The following LSR variants were observed in gnomAD, a reference collection of about 807,000 sequenced individuals.
LSR encodes lipolysis stimulated lipoprotein receptor, also known as lipolysis-stimulated lipoprotein receptor.
LSR carries 44 observed loss-of-function variants against 61.8 expected under a neutral mutation model. The ratio of observed to expected loss-of-function variants is 0.71; its 90% CI spans 0.56 to 0.91. The LOEUF is 0.91. LSR is among the 40% of genes least tolerant of loss of function. The pLI, the probability that LSR is intolerant of heterozygous loss-of-function variation, is 0.00. For missense variants in LSR, 911 were observed against 830.5 expected, an observed-to-expected ratio of 1.10 and a Z score of -1.19; for synonymous variants, 397 against 350.6, an observed-to-expected ratio of 1.13 and a Z score of -1.48.
At chr19:35,255,567 C>A (rs1021352435) in intron 2 of LSR, among the ~76,000 whole-genome samples, 2 of 151,938 alleles carry the variant, frequency 1.3e-5, no homozygotes, top group Non-Finnish European at 2.9e-5. Context: ...ACCTGGACAA[C>A]AAAGCAAGAT....
In LSR at chr19:35,266,693, T is replaced by G. The variant is rs193300340; in HGVS notation, c.967T>G (p.Ser323Ala). The change falls in exon 7 of 10, where the codon TCC becomes GCC. Residue 323 changes from serine (S) to alanine (A), a missense_variant. By Grantham distance (99) the Ser-to-Ala change is moderately conservative (BLOSUM62 1). Transcript: ENST00000605618. ...DRSSSAGGQG[S>A]YVPLLRDTDS... ...CTCTCCCCCAGCTGGTGGCCAAGGC[T>G]CCTATGTACCCCTGCTTCGGGACAC... The G allele has an allele frequency of 3.1e-4, 493 of 1,609,150 alleles. 1 individual carries two copies. Among genetic ancestry groups the G allele is most frequent in the Non-Finnish European group, 3.9e-4 (455 of 1,178,132 alleles).
Position 35,267,331 on chromosome 19 carries a change from G to A in LSR, c.1367G>A (p.Ser456Asn). 7.0e-6 allele frequency: 11 copies of A among 1,566,936 alleles called. No homozygotes were observed. Among genetic ancestry groups the A allele is most frequent in the East Asian group, 2.4e-5 (1 of 42,396 alleles). Reference protein sequence around the residue: ...VDALDDLTPPSTAESGSRSPT... With the variant: ...VDALDDLTPPNTAESGSRSPT... ...GCCCTGGACGACCTCACCCCGCCGA[G>A]CACCGCCGAGTCAGGGAGCAGGTCT... The change falls in exon 9 of 10, where the codon AGC becomes AAC. Residue 456 changes from serine (S) to asparagine (N), a missense_variant. By Grantham distance (46) the Ser-to-Asn change is conservative. Transcript: ENST00000605618.
At chr19:35,266,236 C>A (rs2145545504) in intron 5 of LSR, 123 bp from the exon 6 acceptor site, 1 of 705,414 alleles carries the variant, frequency 1.4e-6, no homozygotes, top group Non-Finnish European at 2.3e-6. Flanking sequence ...TCCAAGGAAG[C>A]TCTACAGCGG....
chr19:35,249,079 A>G lies in LSR; in HGVS notation c.57A>G (p.Ala19=). Residue 19 remains alanine (A), a synonymous_variant, in exon 1 of 10, where the codon GCA becomes GCG. Coordinates refer to ENST00000605618, the MANE Select transcript of LSR (RefSeq NM_205834.4). ...GGCTGGGCTCCCACCCGGCCGCCGC[A>G]GGCCGGGACGCGGTCGTCTTCGTGT... ...SRGLGSHPAA[A]GRDAVVFVWL... The G allele has an allele frequency of 5.8e-6, 9 of 1,561,122 alleles. No homozygotes were observed. Among genetic ancestry groups the G allele is most frequent in the Admixed American group, 2.0e-5 (1 of 51,018 alleles).
At chr19:35,249,183 G>C (rs1599586305) in intron 1 of LSR, 52 bp downstream of exon 1, 1 of 1,504,492 alleles carries the variant, frequency 6.6e-7, no homozygotes, top group Non-Finnish European at 8.8e-7. Context: ...GAACTGTAGA[G>C]GGGGATGGAT....
rs765660049 is a variant in LSR at position 35,250,401 on chromosome 19, C to CAT, written c.197_198insTA (p.Gln66HisfsTer3). Reference sequence around the variant, plus strand: ...GCCTGTGACCCTGCCCTGTACCTACCAGATGACCTCGACCCCCACGCAACC... The same window carrying CAT: ...GCCTGTGACCCTGCCCTGTACCTACCATAGATGACCTCGACCCCCACGCAACC... On this transcript the variant is annotated frameshift_variant, in exon 2 of 10. Transcript: ENST00000605618. LOFTEE classifies it high-confidence loss of function. 1 of 1,613,406 alleles carries CAT rather than the reference C, an allele frequency of 6.2e-7. No homozygotes were observed. The highest frequency in any genetic ancestry group is 8.5e-7 in the Non-Finnish European group (1 of 1,179,654).
At chr19:35,267,013 G>T (rs370401570) in intron 8 of LSR, 46 bp downstream of exon 8, 5 of 1,581,000 alleles carry the variant, frequency 3.2e-6, no homozygotes, top group Non-Finnish European at 4.3e-6. Context: ...GTGGGGGGGT[G>T]AAACATGTCT....
At chr19:35,259,636 CAAA>C (rs775805186) in intron 3 of LSR, among the ~76,000 whole-genome samples, 95 of 118,092 alleles carry the variant, frequency 8.0e-4, no homozygotes, top group Non-Finnish European at 1.4e-3. Context: ...AGACTCTGTC[CAAA>C]AAAAAAAAAA....
intron 5 of LSR, chr19:35,262,903 TC>T: frequency 6.7e-6 from 4 of 597,272 alleles, no homozygotes; most frequent in Non-Finnish European, 1.2e-5. Context: ...GTTGTTCTTT[TC>T]TTTTGTAAGT....
rs779239531 is a variant in LSR, at chr19:35,261,940, T to A, written c.590T>A (p.Val197Glu). ...GTCCCTCCAGGGAGGACCTCAGGGG[T>A]GGCTGAGCTCTTACCTGGTTTTCAG... ...ELIVLGRTSG[V>E]AELLPGFQAG... Residue 197 changes from valine to glutamate, a missense_variant, in exon 4 of 10, where the codon GTG (valine) becomes GAG (glutamate). Val to Glu is a moderately radical substitution (Grantham distance 121). Transcript: ENST00000605618. 2 of 1,486,886 alleles carry A rather than the reference T, an allele frequency of 1.3e-6. No individual in the cohort carries two copies. The highest frequency in any genetic ancestry group is 1.8e-6 in the Non-Finnish European group (2 of 1,125,140). 92.1% of individuals were successfully genotyped at this position (1,486,886 alleles called of 1,614,324 possible). A position where few individuals can be genotyped will look rare whatever the true frequency, so the allele number is the denominator to read the frequency against.
At chr19:35,249,205 C>T (rs957720941) in intron 1 of LSR, 74 bp downstream of exon 1, 8 of 1,470,890 alleles carry the variant, frequency 5.4e-6, no homozygotes, top group Non-Finnish European at 6.3e-6. Context: ...GAGTTGGAGG[C>T]GGCGGGAAGC....
rs976676649 is a variant in LSR at position 35,263,448 on chromosome 19, C to T, written c.778+756C>T. On this transcript the variant is annotated intron_variant, in intron 5 of 9. Transcript: ENST00000605618. ...ATAGCTCTCTGCAGCCTCAAACTCC[C>T]GGGTTCAAGCAGTCCTCCCGCCTCA... Among the ~76,000 whole-genome samples, 16 of 152,260 alleles carry T rather than the reference C, an allele frequency of 1.1e-4. No homozygotes were observed. The East Asian group carries it at 1.2e-3, about 11-fold the overall frequency.
intron 2 of LSR, chr19:35,253,766 G>A (rs2065823898): frequency 1.3e-5 from 2 of 152,272 alleles, no homozygotes; most frequent in African/African-American, 4.8e-5. Context: ...TCTAACCCAG[G>A]GATTGTGCCT....
intron 2 of LSR, chr19:35,251,508 G>C (rs564781801): frequency 6.6e-6 from 1 of 152,358 alleles, no homozygotes; most frequent in African/African-American, 2.4e-5. Flanking sequence ...CCCAGAGAGA[G>C]AAAGTGACTT....
intron 3 of LSR, among the ~76,000 whole-genome samples, chr19:35,260,134 A>G (rs1322542318): frequency 6.6e-6 from 1 of 152,202 alleles, no homozygotes; most frequent in Non-Finnish European, 1.5e-5. Context: ...TTCTTCGGTA[A>G]AATGCACCAT....
At chr19:35,266,254 G>A (rs561076813) in intron 5 of LSR, 105 bp from the exon 6 acceptor site, 301 of 864,686 alleles carry the variant, frequency 3.5e-4, no homozygotes, top group Admixed American at 3.0e-3. Context: ...CGGAGAGGAC[G>A]GCTTGGGAAG....
At chr19:35,259,109 C>T (rs372253435) in intron 3 of LSR, 45 bp downstream of exon 3, 40 of 1,590,558 alleles carry the variant, frequency 2.5e-5, no homozygotes, top group East Asian at 2.5e-4. Context: ...TCCTTTTGTC[C>T]GCTTCTGTTC....
In LSR at chr19:35,267,296, C is replaced by T. The variant is rs755270941; in HGVS notation, c.1332C>T (p.Arg444=). ...GGWRARRPRA[R]SVDALDDLTP... The stretch of plus-strand genomic sequence containing the variant: ...GGCGGGCCAGGCGGCCCCGGGCCCG[C>T]TCCGTGGACGCCCTGGACGACCTCA... Residue 444 remains arginine, a synonymous_variant, in exon 9 of 10, where the codon CGC becomes CGT. Coordinates refer to ENST00000605618, the MANE Select transcript of LSR (RefSeq NM_205834.4). 2.6e-6 allele frequency: 4 copies of T among 1,538,348 alleles called. No homozygotes were observed. Among genetic ancestry groups the T allele is most frequent in the Non-Finnish European group, 3.5e-6 (4 of 1,141,248 alleles).
chr19:35,266,261 G>A (rs1246943469), intron 5 of LSR, 98 bp from the exon 6 acceptor site: 1 of 957,212 alleles, frequency 1.0e-6, no homozygotes, highest in Non-Finnish European at 1.6e-6. Context: ...GACGGCTTGG[G>A]AAGGAGGTCC....
Sources: allele counts gnomAD v4.1 joint callset (sites outside exome capture counted in the v4.1 genomes callset), GRCh38; gene constraint gnomAD v4.1.1; transcripts MANE v1.5; gene names NCBI Gene and HGNC (gene_info 2026-07-23, HGNC 2026-07-21).